The following DPY19L1 variants were observed in gnomAD, a reference collection of about 807,000 sequenced individuals.
DPY19L1 encodes dpy-19 like C-mannosyltransferase 1.
DPY19L1 carries 35 observed loss-of-function variants against 96.9 expected under a neutral mutation model. That is an observed-to-expected ratio of 0.36 (90% confidence interval 0.28 to 0.48). DPY19L1 has a LOEUF of 0.48. DPY19L1 is among the 20% of genes least tolerant of loss of function. The pLI is 0.99. For synonymous variants in DPY19L1, 205 were observed against 252.6 expected (o/e 0.81, Z 1.79); for missense variants, 521 against 777.9 (o/e 0.67, Z 3.93).
At chr7:34,967,023 A>G in intron 9 of DPY19L1, 52 bp from the exon 10 acceptor site, 1 of 1,325,082 alleles carries the variant, frequency 7.5e-7, no homozygotes, top group Non-Finnish European at 1.0e-6. Context: ...AATAGCTACA[A>G]GAATGAAGAA....
At chr7:34,955,855 C>CA (rs1325994240) in intron 11 of DPY19L1, among the ~76,000 whole-genome samples, 2 of 152,004 alleles carry the variant, frequency 1.3e-5, no homozygotes, top group African/African-American at 4.8e-5. Flanking sequence ...TCAAACATGG[C>CA]AAAAATATGA....
chr7:35,005,513 T>A (rs1055275468), intron 6 of DPY19L1, among the ~76,000 whole-genome samples: 20 of 151,272 alleles, frequency 1.3e-4, no homozygotes, highest in African/African-American at 4.6e-4. Context: ...TAAAAAGTTT[T>A]ATTGGCCAGG....
rs1248871225 is a variant in DPY19L1, at chr7:35,037,213, T to C, written c.182A>G (p.Glu61Gly). ...GCCCCCGGCGGGCGGCGCGCCGGGC[T>C]CGGCGCGGGGCCCCTTCCTGCCCGC... is the stretch of plus-strand genomic sequence containing the variant. ...GAAGRKGPRA[E>G]PGAPPAGGGL... Residue 61 changes from glutamate (E) to glycine (G), a missense_variant, in exon 1 of 22, where the codon GAG becomes GGG. Glu to Gly is a moderately conservative substitution (Grantham distance 98). Coordinates refer to ENST00000638088, the MANE Select transcript of DPY19L1 (RefSeq NM_001366673.1). The C allele has an allele frequency of 1.3e-5, 2 of 151,284 alleles. No individual in the cohort carries two copies. The highest frequency in any genetic ancestry group is 2.5e-5 in the African/African-American group (1 of 40,306). The allele number at this position is 151,284 out of a possible 1,614,324, so 9.4% of individuals were successfully genotyped here. A position where few individuals can be genotyped will look rare whatever the true frequency, so the allele number is the denominator to read the frequency against.
intron 7 of DPY19L1, among the ~76,000 whole-genome samples, chr7:34,979,753 A>G (rs973833319): frequency 6.6e-6 from 1 of 152,154 alleles, no homozygotes; most frequent in Non-Finnish European, 1.5e-5. Context: ...GAAAAACATT[A>G]AACATTCCTG....
At chr7:35,032,685 G>A (rs1786288978) in intron 1 of DPY19L1, among the ~76,000 whole-genome samples, 1 of 151,966 alleles carries the variant, frequency 6.6e-6, no homozygotes, top group Non-Finnish European at 1.5e-5. Context: ...TGTCCAAGAC[G>A]AAATTCTTGA....
At chr7:34,973,416 G>T in intron 8 of DPY19L1, 98 bp downstream of exon 8, 2 of 628,538 alleles carry the variant, frequency 3.2e-6, no homozygotes, top group Non-Finnish European at 4.7e-6. Flanking sequence ...GCATCATATT[G>T]GTTAATTATT....
intron 9 of DPY19L1, among the ~76,000 whole-genome samples, chr7:34,967,705 T>C (rs1381572511): frequency 2.6e-5 from 4 of 152,168 alleles, no homozygotes; most frequent in African/African-American, 4.8e-5. Flanking sequence ...CAAATTAAAT[T>C]CTTCCCGTCC....
At chr7:34,932,361 T>C (rs1056203180) in intron 21 of DPY19L1, among the ~76,000 whole-genome samples, 4 of 152,186 alleles carry the variant, frequency 2.6e-5, no homozygotes, top group Admixed American at 2.0e-4. Context: ...GGAACACTTA[T>C]ATTAGCTTAC....
chr7:34,978,001 T>C (rs1784864774), intron 7 of DPY19L1, among the ~76,000 whole-genome samples: 1 of 151,920 alleles, frequency 6.6e-6, no homozygotes, highest in Non-Finnish European at 1.5e-5. Flanking sequence ...GGCTTTTATT[T>C]TCTGCTTAAT....
intron 7 of DPY19L1, among the ~76,000 whole-genome samples, chr7:34,974,650 G>C (rs551849105): frequency 1.3e-5 from 2 of 152,276 alleles, no homozygotes; most frequent in East Asian, 3.9e-4. Context: ...AAAGCTGTTA[G>C]TTTATTAGAT....
intron 7 of DPY19L1, among the ~76,000 whole-genome samples, chr7:34,983,675 GAA>G (rs35027962): frequency 1.4e-4 from 20 of 146,496 alleles, no homozygotes; most frequent in South Asian, 8.6e-4. Context: ...GGAATAGAGA[GAA>G]AAAAAAAAAT....
intron 11 of DPY19L1, among the ~76,000 whole-genome samples, chr7:34,956,953 T>C (rs1311048631): frequency 6.6e-6 from 1 of 152,176 alleles, no homozygotes; most frequent in Non-Finnish European, 1.5e-5. Flanking sequence ...GACAGTGCAA[T>C]ACGCTTTTAA....
In DPY19L1 at chr7:34,973,287, C is replaced by T. The variant is rs1414673517; in HGVS notation, c.914+227G>A. Among the ~76,000 whole-genome samples the T allele has an allele frequency of 5.3e-5, 8 of 152,084 alleles. 1 individual carries two copies. The highest frequency in any genetic ancestry group is 1.0e-4 in the Non-Finnish European group (7 of 68,016). ...ACAGGAGAAGTGAAAGCAATTTGTT[C>T]CTTCTCAAGCAATCACTGTAGACTA... On this transcript the variant is annotated intron_variant, in intron 8 of 21. Coordinates refer to ENST00000638088, the MANE Select transcript of DPY19L1 (RefSeq NM_001366673.1).
At chr7:35,005,419 G>T (rs989103374) in intron 6 of DPY19L1, among the ~76,000 whole-genome samples, 1 of 151,480 alleles carries the variant, frequency 6.6e-6, no homozygotes, top group Non-Finnish European at 1.5e-5. Flanking sequence ...AGAGGTGAAT[G>T]GGACCAGGGC....
chr7:35,032,943 G>C (rs765405595), intron 1 of DPY19L1, among the ~76,000 whole-genome samples: 3 of 152,044 alleles, frequency 2.0e-5, no homozygotes, highest in Non-Finnish European at 4.4e-5. Flanking sequence ...CTCTTGCTAG[G>C]TCCGTGAACA....
At chr7:34,978,369 AT>A (rs1784871745) in intron 7 of DPY19L1, among the ~76,000 whole-genome samples, 1 of 152,184 alleles carries the variant, frequency 6.6e-6, no homozygotes, top group South Asian at 2.1e-4. Context: ...ATTGCTTAAT[AT>A]TAACTATAAT....
intron 6 of DPY19L1, among the ~76,000 whole-genome samples, chr7:34,995,036 C>T (rs1037662462): frequency 9.2e-5 from 14 of 152,054 alleles, no homozygotes; most frequent in African/African-American, 2.4e-4. Context: ...ACAAAAGAGG[C>T]CGATTTTTTT....
intron 7 of DPY19L1, among the ~76,000 whole-genome samples, chr7:34,979,681 A>G (rs570007497): frequency 1.3e-5 from 2 of 152,280 alleles, no homozygotes; most frequent in South Asian, 4.1e-4. Flanking sequence ...CCAGTGAGAT[A>G]TATCAAAAGG....
At chr7:34,941,435 T>G (rs1224859488) in intron 18 of DPY19L1, among the ~76,000 whole-genome samples, 1 of 152,216 alleles carries the variant, frequency 6.6e-6, no homozygotes, top group African/African-American at 2.4e-5. Flanking sequence ...TAACCTGAAA[T>G]TATTAGATTT....
Sources: allele counts gnomAD v4.1 joint callset (sites outside exome capture counted in the v4.1 genomes callset), GRCh38; gene constraint gnomAD v4.1.1; transcripts MANE v1.5; gene names NCBI Gene and HGNC (gene_info 2026-07-23, HGNC 2026-07-21).